The following GALNT13 variants were observed in gnomAD, a reference collection of about 807,000 sequenced individuals.
The protein encoded by GALNT13 is polypeptide N-acetylgalactosaminyltransferase 13.
In GALNT13, 28 loss-of-function variants were observed where a neutral mutation model predicts 64.2. The observed-to-expected ratio is 0.44, with a 90% CI of 0.32 to 0.60. GALNT13 has a LOEUF of 0.60. Among genes scored for constraint, GALNT13 ranks in the 20% least tolerant of loss-of-function variants. GALNT13 has a pLI of 0.05. For missense variants in GALNT13, 577 were observed against 669.8 expected (o/e 0.86, Z 1.53); for synonymous variants, 214 against 224.6 (o/e 0.95, Z 0.42).
chr2:153,741,216 T>A, the GALNT13 span, among the ~76,000 whole-genome samples: 1 of 152,102 alleles, frequency 6.6e-6, no homozygotes, highest in Non-Finnish European at 1.5e-5. Context: ...TTTCAATCTA[T>A]TTATTTATAA....
At chr2:154,058,290 C>T (rs1700000507) in intron 3 of GALNT13, among the ~76,000 whole-genome samples, 1 of 152,150 alleles carries the variant, frequency 6.6e-6, no homozygotes, top group East Asian at 1.9e-4. Context: ...GACTCCAGAT[C>T]TGTGGCAAAA....
At chr2:153,678,874 C>T in the GALNT13 span, among the ~76,000 whole-genome samples, 1 of 151,884 alleles carries the variant, frequency 6.6e-6, no homozygotes, top group African/African-American at 2.4e-5. Context: ...ACTACATATC[C>T]CAGAATTCCC....
At chr2:154,098,568 AATAGGTAATTTTTCAACCCTT>A (rs1426373070) in intron 3 of GALNT13, among the ~76,000 whole-genome samples, 1 of 152,058 alleles carries the variant, frequency 6.6e-6, no homozygotes, top group African/African-American at 2.4e-5. Flanking sequence ...CATTGTACCC[AATAGGTAATTTTTCAACCCTT>A]ATAGGTACTT....
intron 3 of GALNT13, among the ~76,000 whole-genome samples, chr2:154,078,849 A>G (rs533964405): frequency 2.7e-4 from 41 of 151,768 alleles, no homozygotes; most frequent in South Asian, 2.1e-4. Context: ...CAGCATTGCT[A>G]TGTGGCTTCA....
intron 3 of GALNT13, among the ~76,000 whole-genome samples, chr2:154,061,184 T>C (rs1052003357): frequency 6.6e-6 from 1 of 152,190 alleles, no homozygotes; most frequent in African/African-American, 2.4e-5. Context: ...TATTATATGC[T>C]CTGTGTCTCT....
At chr2:154,037,654 T>A (rs1343809446) in intron 3 of GALNT13, among the ~76,000 whole-genome samples, 2 of 152,180 alleles carry the variant, frequency 1.3e-5, no homozygotes, top group African/African-American at 4.8e-5. Context: ...ATGAATTCAG[T>A]AAAGTTGTAG....
At chr2:153,780,375 T>G in the GALNT13 span, among the ~76,000 whole-genome samples, 2 of 151,910 alleles carry the variant, frequency 1.3e-5, no homozygotes, top group South Asian at 2.1e-4. Flanking sequence ...CAAAGTGGGC[T>G]GCTGATCCCT....
intron 11 of GALNT13, chr2:154,437,676 G>T (rs1391460844): frequency 2.1e-6 from 1 of 467,530 alleles, no homozygotes; most frequent in Non-Finnish European, 4.1e-6. Context: ...CCAACATAGT[G>T]AAACCCCGTC....
the GALNT13 span, among the ~76,000 whole-genome samples, chr2:153,557,238 T>C: frequency 6.6e-6 from 1 of 152,176 alleles, no homozygotes; most frequent in East Asian, 1.9e-4. Context: ...TAACATGTTG[T>C]ACAGATTTGT....
intron 2 of GALNT13, among the ~76,000 whole-genome samples, chr2:153,939,436 G>A (rs1248654050): frequency 6.6e-6 from 1 of 152,178 alleles, no homozygotes. Flanking sequence ...ATCAAAAGTT[G>A]ATGATATCAG....
At chr2:153,168,072 T>A in the GALNT13 span, among the ~76,000 whole-genome samples, 1 of 152,286 alleles carries the variant, frequency 6.6e-6, no homozygotes, top group African/African-American at 2.4e-5. Context: ...TTCCTAGCAT[T>A]TCTCTCTTTG....
the GALNT13 span, among the ~76,000 whole-genome samples, chr2:153,635,358 G>T: frequency 7.2e-6 from 1 of 139,350 alleles, no homozygotes; most frequent in African/African-American, 2.7e-5. Flanking sequence ...ACTTTAAACA[G>T]ATTTTTTCTA....
the GALNT13 span, among the ~76,000 whole-genome samples, chr2:153,708,599 T>C: frequency 6.6e-6 from 1 of 152,174 alleles, no homozygotes; most frequent in Non-Finnish European, 1.5e-5. Context: ...GTTGTCAGGA[T>C]TCCCTTGCAG....
chr2:153,947,826 A>G (rs1031336325), intron 3 of GALNT13, among the ~76,000 whole-genome samples: 3 of 152,034 alleles, frequency 2.0e-5, no homozygotes, highest in Non-Finnish European at 4.4e-5. Flanking sequence ...TTTTACATTC[A>G]AGTCTTTAAT....
rs114351268 is a variant in GALNT13 at position 154,182,525 on chromosome 2, A to G, written c.311+42020A>G. ...TGGAATAATAAGCCAGTAGTTCTCAAACATTCATCTTAAAAATTATTGAGG... is the reference window on the plus strand; with the variant it reads ...TGGAATAATAAGCCAGTAGTTCTCAGACATTCATCTTAAAAATTATTGAGG... On this transcript the variant is annotated intron_variant, in intron 4 of 12. Transcript: ENST00000392825. 8.5e-4 allele frequency among the ~76,000 whole-genome samples: 129 copies of G among 151,874 alleles called. 1 individual carries two copies. The highest frequency in any genetic ancestry group is 3.0e-3 in the African/African-American group (126 of 41,476).
intron 4 of GALNT13, among the ~76,000 whole-genome samples, chr2:154,240,901 T>A (rs1220827870): frequency 6.6e-6 from 1 of 151,970 alleles, no homozygotes; most frequent in African/African-American, 2.4e-5. Flanking sequence ...GGAGATGGAG[T>A]GGGAAGGTTT....
chr2:154,100,746 T>C (rs935879204), intron 3 of GALNT13, among the ~76,000 whole-genome samples: 2 of 152,116 alleles, frequency 1.3e-5, no homozygotes, highest in Non-Finnish European at 2.9e-5. Context: ...CTGTGTTGAA[T>C]AGGAGAGGTG....
At chr2:153,383,284 G>A in the GALNT13 span, among the ~76,000 whole-genome samples, 12 of 151,996 alleles carry the variant, frequency 7.9e-5, no homozygotes, top group Non-Finnish European at 1.6e-4. Flanking sequence ...CATTGCTAAG[G>A]AAACCAGTTT....
At chr2:154,441,821 G>T (rs1226063221) in intron 12 of GALNT13, 1 of 152,056 alleles carries the variant, frequency 6.6e-6, no homozygotes, top group Non-Finnish European at 1.5e-5. Context: ...AGGTGAGTGG[G>T]GGAAAAGAGA....
Sources: gnomAD v4.1 joint callset for allele counts (sites outside exome capture counted in the v4.1 genomes callset) on GRCh38, gnomAD v4.1.1 for gene constraint, MANE v1.5 for transcripts, NCBI Gene and HGNC (gene_info 2026-07-23, HGNC 2026-07-21) for gene names.